The following SMC6 variants were observed in gnomAD, a reference collection of about 807,000 sequenced individuals.
The protein encoded by SMC6 is structural maintenance of chromosomes 6.
A neutral mutation model predicts 142.2 loss-of-function variants in SMC6; 79 were observed. The ratio of observed to expected loss-of-function variants is 0.56; its 90% CI spans 0.46 to 0.67. SMC6 has a LOEUF of 0.67. Among genes scored for constraint, SMC6 ranks in the 30% least tolerant of loss-of-function variants. The probability of loss-of-function intolerance (pLI) is 0.00; values close to 1 mark genes in which losing one functional copy is unlikely to be tolerated. For synonymous variants in SMC6, 411 were observed against 412.4 expected, an observed-to-expected ratio of 1.00 and a Z score of 0.04; for missense variants, 1,072 against 1,284.0, an observed-to-expected ratio of 0.83 and a Z score of 2.52.
In SMC6 at chr2:17,731,190, C is replaced by A. The variant is rs1483215154; in HGVS notation, c.482-51G>T. ...ACCAAACTGTTTCTAGGGCATAACA[C>A]AGAAAAAATGTATAGTTACTTACAA... On this transcript the variant is annotated intron_variant, in intron 6 of 27. Transcript: ENST00000448223. The A allele has an allele frequency of 3.2e-6, 4 of 1,249,474 alleles. No homozygotes were observed. The Admixed American group carries it at 8.3e-5, about 26-fold the overall frequency. The allele number at this position is 1,249,474 out of a possible 1,614,324, so 77.4% of individuals were successfully genotyped here.
Position 17,738,261 on chromosome 2 carries a change from T to C in SMC6, c.304A>G (p.Arg102Gly). Residue 102 changes from arginine to glycine, a missense_variant, in exon 5 of 28, where the codon AGA becomes GGA. Transcript: ENST00000448223. ...GLGGRAVATN[R>G]GSSLKGFVKD... ...ACAAAACCTTTTAAAGAGGATCCTC[T>C]ATTAGTAGCAACTGCTCTTCCACCA... 6.2e-7 allele frequency: 1 copy of C among 1,613,690 alleles called. No homozygotes were observed. Among genetic ancestry groups the C allele is most frequent in the Non-Finnish European group, 8.5e-7 (1 of 1,179,910 alleles).
chr2:17,678,786 C>T, intron 25 of SMC6, 73 bp downstream of exon 25: 1 of 1,159,466 alleles, frequency 8.6e-7, no homozygotes, highest in Non-Finnish European at 1.2e-6. Context: ...TAAAAAAAAC[C>T]CAACAAAAAT....
chr2:17,744,327 T>C (rs1160114243), intron 3 of SMC6, among the ~76,000 whole-genome samples: 1 of 152,204 alleles, frequency 6.6e-6, no homozygotes, highest in Non-Finnish European at 1.5e-5. Flanking sequence ...GGTTCATTTT[T>C]TTTGAGTGAT....
At chr2:17,732,099 A>C (rs574220368) in intron 5 of SMC6, among the ~76,000 whole-genome samples, 2 of 152,368 alleles carry the variant, frequency 1.3e-5, no homozygotes, top group South Asian at 4.1e-4. Context: ...AGCTTCAAAA[A>C]AATAATTGAC....
At chr2:17,739,383 G>A (rs1462004414) in intron 4 of SMC6, among the ~76,000 whole-genome samples, 3 of 152,020 alleles carry the variant, frequency 2.0e-5, no homozygotes, top group African/African-American at 7.2e-5. Flanking sequence ...AGTGGTTCAC[G>A]CCTGTAATCA....
At chr2:17,684,542 G>A (rs1484024930) in intron 23 of SMC6, among the ~76,000 whole-genome samples, 1 of 152,146 alleles carries the variant, frequency 6.6e-6, no homozygotes, top group Non-Finnish European at 1.5e-5. Context: ...CAAAACAAGA[G>A]GCCAGTTGTA....
At chr2:17,666,393 T>C (rs113112575) in intron 27 of SMC6, 27 bp downstream of exon 27, 321 of 1,484,002 alleles carry the variant, frequency 2.2e-4, no homozygotes, top group Non-Finnish European at 2.9e-4. Context: ...ATACTTGATA[T>C]GTATCTAGAA....
intron 26 of SMC6, among the ~76,000 whole-genome samples, chr2:17,670,144 G>C (rs1666687522): frequency 6.6e-6 from 1 of 152,166 alleles, no homozygotes; most frequent in South Asian, 2.1e-4. Flanking sequence ...AGCTGGGAGA[G>C]AGGGTGAGGG....
rs35471536 is a variant in SMC6 at position 17,726,087 on chromosome 2, TAAAAAAAAAAAAAA to T, written c.624+288_624+301del. Among the ~76,000 whole-genome samples the T allele has an allele frequency of 2.1e-3, 114 of 54,976 alleles. 2 individuals are homozygous for T. Among genetic ancestry groups the T allele is most frequent in the African/African-American group, 9.9e-3 (109 of 11,042 alleles). 36.1% of individuals were successfully genotyped at this position (54,976 alleles called of 152,430 possible). ...TGGAAGACAGAGCAAGGCTCTGTCT[TAAAAAAAAAAAAAA>T]AAAAAAAAAAAAAGATTTACAAGTT... is the stretch of plus-strand genomic sequence containing the variant. On this transcript the variant is annotated intron_variant, in intron 8 of 27. Transcript: ENST00000448223.
rs148015892 is a variant in SMC6, at chr2:17,720,684, A to T, written c.945+256T>A. Among the ~76,000 whole-genome samples the T allele has an allele frequency of 9.2e-4, 140 of 152,294 alleles. 1 individual carries two copies. The highest frequency in any genetic ancestry group is 3.7e-3 in the South Asian group (18 of 4,824). On this transcript the variant is annotated intron_variant, in intron 11 of 27. Transcript: ENST00000448223. ...TTCTTCTATGTCTTGTCAGTAACAAAGTTCCACTGACAATATGCATGAGTT... is the reference window on the plus strand; with the variant it reads ...TTCTTCTATGTCTTGTCAGTAACAATGTTCCACTGACAATATGCATGAGTT...
At chr2:17,701,033 A>AAATAATAAT (rs61348893) in intron 20 of SMC6, among the ~76,000 whole-genome samples, 26 of 144,302 alleles carry the variant, frequency 1.8e-4, no homozygotes, top group African/African-American at 5.5e-4. Flanking sequence ...CTCCGTCTCA[A>AAATAATAAT]AATAATAATA....
intron 25 of SMC6, among the ~76,000 whole-genome samples, chr2:17,673,489 C>G (rs1481412738): frequency 6.6e-6 from 1 of 151,844 alleles, no homozygotes; most frequent in African/African-American, 2.4e-5. Context: ...GGTCTATGAT[C>G]AACTTCTAAA....
intron 25 of SMC6, among the ~76,000 whole-genome samples, chr2:17,674,652 T>C (rs1387459798): frequency 3.3e-5 from 5 of 152,192 alleles, no homozygotes; most frequent in African/African-American, 1.2e-4. Context: ...CCAACTGTAA[T>C]TGTCAATTCT....
At chr2:17,687,695 C>T (rs142979119) in intron 23 of SMC6, among the ~76,000 whole-genome samples, 15 of 152,292 alleles carry the variant, frequency 9.8e-5, no homozygotes, top group Admixed American at 9.8e-4. Context: ...CCTGAATATA[C>T]TTTTGTTTAT....
intron 6 of SMC6, 104 bp downstream of exon 6, chr2:17,731,637 A>C (rs1399326294): frequency 1.8e-6 from 2 of 1,138,458 alleles, no homozygotes; most frequent in South Asian, 1.5e-5. Context: ...CACACAACCA[A>C]TCATGTTACA....
At chr2:17,692,379 T>C (rs550465444) in intron 23 of SMC6, among the ~76,000 whole-genome samples, 13 of 152,154 alleles carry the variant, frequency 8.5e-5, no homozygotes, top group Middle Eastern at 3.4e-3. Context: ...TGGAACAGAA[T>C]AGAGCCCTCA....
chr2:17,671,337 A>G (rs540379732), intron 25 of SMC6, among the ~76,000 whole-genome samples: 15 of 148,954 alleles, frequency 1.0e-4, no homozygotes, highest in Non-Finnish European at 1.9e-4. Flanking sequence ...ATTGAAATAT[A>G]TCTTTTAAAA....
At chr2:17,710,670 C>A (rs1212291793) in intron 16 of SMC6, among the ~76,000 whole-genome samples, 2 of 152,108 alleles carry the variant, frequency 1.3e-5, no homozygotes, top group African/African-American at 4.8e-5. Flanking sequence ...ATGAAAGGAT[C>A]AAGGGCAAAT....
chr2:17,718,266 A>G, intron 11 of SMC6, 43 bp from the exon 12 acceptor site: 1 of 1,416,106 alleles, frequency 7.1e-7, no homozygotes, highest in Non-Finnish European at 9.5e-7. Context: ...TTTCTTCAAT[A>G]GAGAGAATTT....
Sources: gnomAD v4.1 joint callset for allele counts (sites outside exome capture counted in the v4.1 genomes callset) on GRCh38, gnomAD v4.1.1 for gene constraint, MANE v1.5 for transcripts, NCBI Gene and HGNC (gene_info 2026-07-23, HGNC 2026-07-21) for gene names.